The following CAMTA1 variants were observed in gnomAD, a reference collection of about 807,000 sequenced individuals.
CAMTA1 encodes calmodulin-binding transcription activator 1.
In CAMTA1, 27 loss-of-function variants were observed where a neutral mutation model predicts 170.9. That is an observed-to-expected ratio of 0.16 (90% CI 0.12 to 0.22). CAMTA1 has a LOEUF of 0.22. Among genes scored for constraint, CAMTA1 ranks in the 10% least tolerant of loss-of-function variants. The pLI, the probability that CAMTA1 is intolerant of heterozygous loss-of-function variation, is 1.00. For missense variants in CAMTA1, 1,619 were observed against 2,217.2 expected (o/e 0.73, Z 5.42); for synonymous variants, 833 against 891.5 (o/e 0.93, Z 1.17).
chr1:6,942,729 C>T (rs1215989151), intron 3 of CAMTA1, among the ~76,000 whole-genome samples: 1 of 152,196 alleles, frequency 6.6e-6, no homozygotes, highest in Non-Finnish European at 1.5e-5. Flanking sequence ...GGGAGCTGAG[C>T]CAGTTGGGAG....
intron 11 of CAMTA1, among the ~76,000 whole-genome samples, chr1:7,692,767 C>T (rs1343647755): frequency 1.3e-5 from 2 of 152,180 alleles, no homozygotes; most frequent in African/African-American, 2.4e-5. Flanking sequence ...GAAGAAACAG[C>T]GTTGATAGGT....
chr1:7,574,433 C>T (rs1327600905), intron 6 of CAMTA1, among the ~76,000 whole-genome samples: 5 of 152,210 alleles, frequency 3.3e-5, no homozygotes, highest in Non-Finnish European at 7.3e-5. Context: ...CTCGTTTGCA[C>T]AGCCCAGGAT....
intron 6 of CAMTA1, among the ~76,000 whole-genome samples, chr1:7,601,005 C>A (rs1485617018): frequency 1.3e-5 from 2 of 152,206 alleles, no homozygotes; most frequent in African/African-American, 2.4e-5. Context: ...GAGTACACCT[C>A]CCAGATGGGG....
In CAMTA1 at chr1:7,664,688, G is replaced by T. The variant is rs1361310030; in HGVS notation, c.2141G>T (p.Ser714Ile). Residue 714 changes from serine to isoleucine, a missense_variant, in exon 9 of 23, where the codon AGC (serine) becomes ATC (isoleucine). Ser to Ile is a moderately radical substitution (Grantham distance 142). Transcript: ENST00000303635. ...AAGTCTGGGGAGCTGCAGGCTTGCA[G>T]CTCTGAGCACTACCTGCAGCCGGAG... ...LLKSGELQAC[S>I]SEHYLQPETN... is the part of the protein sequence containing the mutation. 6.2e-7 allele frequency: 1 copy of T among 1,607,944 alleles called. No individual in the cohort carries two copies.
chr1:7,375,512 G>C (rs560467856), intron 5 of CAMTA1, among the ~76,000 whole-genome samples: 1 of 152,324 alleles, frequency 6.6e-6, no homozygotes, highest in Non-Finnish European at 1.5e-5. Context: ...CACATGGTGT[G>C]TTGGCAGAGA....
At chr1:7,277,364 A>G (rs886980102) in intron 5 of CAMTA1, among the ~76,000 whole-genome samples, 2 of 152,116 alleles carry the variant, frequency 1.3e-5, no homozygotes, top group Non-Finnish European at 2.9e-5. Flanking sequence ...GGTATCACTG[A>G]GTTGATATTC....
chr1:7,045,340 C>A (rs80325623), intron 3 of CAMTA1, among the ~76,000 whole-genome samples: 3,337 of 152,250 alleles, frequency 0.022, 117 homozygotes, highest in African/African-American at 0.077. Flanking sequence ...GCCACACCTG[C>A]CCGTCTGGCC....
In CAMTA1 at chr1:7,484,805, G is replaced by A. The variant is rs553945254; in HGVS notation, c.510+16904G>A. The stretch of plus-strand genomic sequence containing the variant: ...CTATGTCTCAGAAAAAAAAAAAATC[G>A]TGGCTGTTGTCATGACCGTTGTGTT... On this transcript the variant is annotated intron_variant, in intron 6 of 22. Transcript: ENST00000303635. Among the ~76,000 whole-genome samples, 10 of 151,852 alleles carry A rather than the reference G, an allele frequency of 6.6e-5. No individual in the cohort carries two copies. The South Asian group carries it at 1.5e-3, about 22-fold the overall frequency.
At chr1:7,514,903 G>C (rs1266377226) in intron 6 of CAMTA1, among the ~76,000 whole-genome samples, 1 of 152,134 alleles carries the variant, frequency 6.6e-6, no homozygotes, top group Non-Finnish European at 1.5e-5. Context: ...AACAGTCCCA[G>C]AGGAAAAACC....
chr1:7,159,353 GGTCA>G (rs1647069643), intron 4 of CAMTA1, among the ~76,000 whole-genome samples: 1 of 151,932 alleles, frequency 6.6e-6, no homozygotes, highest in Non-Finnish European at 1.5e-5. Context: ...CCTCAAGTCC[GGTCA>G]CCTTCCCTTC....
intron 3 of CAMTA1, among the ~76,000 whole-genome samples, chr1:7,059,645 A>G (rs1707906806): frequency 6.6e-6 from 1 of 151,926 alleles, no homozygotes; most frequent in South Asian, 2.1e-4. Flanking sequence ...AAATGAACAA[A>G]AGCTTATGAT....
In CAMTA1 at chr1:7,478,173, G is replaced by C. The variant is rs572337142; in HGVS notation, c.510+10272G>C. On this transcript the variant is annotated intron_variant, in intron 6 of 22. Coordinates refer to ENST00000303635, the MANE Select transcript of CAMTA1 (RefSeq NM_015215.4). ...CTTTCCAGCAGCTTTTACTCTAGGGGATTGGACGGGTGGAATAGCAGTGGT... is the reference window on the plus strand; with the variant it reads ...CTTTCCAGCAGCTTTTACTCTAGGGCATTGGACGGGTGGAATAGCAGTGGT... Among the ~76,000 whole-genome samples, 5 of 152,314 alleles carry C rather than the reference G, an allele frequency of 3.3e-5. No individual in the cohort carries two copies. The East Asian group carries it at 9.6e-4, about 29-fold the overall frequency.
chr1:7,581,418 A>G (rs1168496447), intron 6 of CAMTA1, among the ~76,000 whole-genome samples: 2 of 152,172 alleles, frequency 1.3e-5, no homozygotes, highest in African/African-American at 4.8e-5. Context: ...CCCTGGGGAC[A>G]CCCTCCCACA....
Position 7,608,822 on chromosome 1 carries a change from AG to A in CAMTA1, c.511-31574del, listed in dbSNP as rs968000281. ...AGAGCCAGAAGCGTGGGAGGGCCCC[AG>A]GGGCCTCAGCCGGCCACAGGTCCAG... On this transcript the variant is annotated intron_variant, in intron 6 of 22. Transcript: ENST00000303635. Among the ~76,000 whole-genome samples, 26 of 152,234 alleles carry A rather than the reference AG, an allele frequency of 1.7e-4. No homozygotes were observed. The East Asian group carries it at 4.5e-3, about 26-fold the overall frequency.
chr1:6,827,043 A>G (rs2148522407), intron 3 of CAMTA1, among the ~76,000 whole-genome samples: 2 of 152,374 alleles, frequency 1.3e-5, no homozygotes, highest in South Asian at 4.1e-4. Flanking sequence ...GAAAAAAATG[A>G]GAAGTTTTTC....
At chr1:6,830,036 ATTTTTTATTTT>A (rs546056301) in intron 3 of CAMTA1, among the ~76,000 whole-genome samples, 2,523 of 150,638 alleles carry the variant, frequency 0.017, 27 homozygotes, top group South Asian at 0.033. Flanking sequence ...TTATTTATTT[ATTTTTTATTTT>A]TTTTTTTGAG....
At chr1:7,150,209 A>G (rs749782064) in intron 4 of CAMTA1, among the ~76,000 whole-genome samples, 3 of 152,144 alleles carry the variant, frequency 2.0e-5, no homozygotes, top group Non-Finnish European at 4.4e-5. Flanking sequence ...CCCAGCTGCA[A>G]TCTCACTTGC....
At chr1:7,136,520 T>C (rs1645554445) in intron 4 of CAMTA1, among the ~76,000 whole-genome samples, 1 of 152,002 alleles carries the variant, frequency 6.6e-6, no homozygotes, top group Non-Finnish European at 1.5e-5. Flanking sequence ...TAGTATTCCC[T>C]ATCTTGAAAA....
At chr1:6,926,440 CTT>C (rs1683160910) in intron 3 of CAMTA1, among the ~76,000 whole-genome samples, 1 of 31,446 alleles carries the variant, frequency 3.2e-5, no homozygotes, top group Non-Finnish European at 6.2e-5. Flanking sequence ...TTTCTTTTCT[CTT>C]TCTTTCTTTC....
Sources: gnomAD v4.1 joint callset for allele counts (sites outside exome capture counted in the v4.1 genomes callset) on GRCh38, gnomAD v4.1.1 for gene constraint, MANE v1.5 for transcripts, NCBI Gene and HGNC (gene_info 2026-07-23, HGNC 2026-07-21) for gene names.